RANBP17: variants seen among roughly 807,000 people sequenced by gnomAD.
The protein encoded by RANBP17 is ran-binding protein 17.
RANBP17 carries 158 observed loss-of-function variants against 141.2 expected under a neutral mutation model. That is an observed-to-expected ratio of 1.12 (90% CI 0.98 to 1.28). RANBP17 has a LOEUF of 1.28. Ranked by LOEUF, RANBP17 falls within the 50% of genes most tolerant of loss-of-function variation. The pLI is 0.00. For synonymous variants in RANBP17, 430 were observed against 450.0 expected (o/e 0.96, Z 0.56); for missense variants, 1,438 against 1,290.7 (o/e 1.11, Z -1.75).
chr5:170,904,175 C>T (rs1770889616), intron 5 of RANBP17: 2 of 320,058 alleles, frequency 6.2e-6, no homozygotes, highest in African/African-American at 2.2e-5. Flanking sequence ...ATCAAGAAGG[C>T]TAGACCAGCC....
Position 170,892,547 on chromosome 5 carries a change from TC to T in RANBP17, c.418del (p.Leu140SerfsTer9). 1 of 1,613,274 alleles carries T rather than the reference TC, an allele frequency of 6.2e-7. No homozygotes were observed. Among genetic ancestry groups the T allele is most frequent in the Non-Finnish European group, 8.5e-7 (1 of 1,179,592 alleles). ...AAATTATTGCTGATGTGAAGAAGTTTCTCCAGGTAAGAAGTCATTGCTACAT... is the reference window on the plus strand; with the variant it reads ...AAATTATTGCTGATGTGAAGAAGTTTTCCAGGTAAGAAGTCATTGCTACAT... The part of the protein sequence containing the change: ...REIIADVKKF[L>X]QGTVEHCIIG... On this transcript the variant is annotated frameshift_variant, in exon 4 of 28. Coordinates refer to ENST00000523189, the MANE Select transcript of RANBP17 (RefSeq NM_022897.5). LOFTEE classifies it high-confidence loss of function.
At chr5:170,993,911 A>G (rs1778659439) in intron 14 of RANBP17, among the ~76,000 whole-genome samples, 1 of 152,064 alleles carries the variant, frequency 6.6e-6, no homozygotes, top group Admixed American at 6.6e-5. Context: ...TTTTTTTTCC[A>G]AAATAAACTT....
chr5:170,913,946 A>G (rs770853738), intron 7 of RANBP17, among the ~76,000 whole-genome samples: 10 of 152,232 alleles, frequency 6.6e-5, no homozygotes, highest in Non-Finnish European at 1.0e-4. Flanking sequence ...CTGTAGTGCT[A>G]CATAGAGGAA....
chr5:171,051,329 G>A (rs1262446247), intron 14 of RANBP17, among the ~76,000 whole-genome samples: 1 of 152,000 alleles, frequency 6.6e-6, no homozygotes, highest in East Asian at 1.9e-4. Flanking sequence ...CCTCTCTCTA[G>A]TTTTAAAACT....
At chr5:170,893,950 CCTGT>C (rs1299373175) in intron 4 of RANBP17, among the ~76,000 whole-genome samples, 1 of 152,028 alleles carries the variant, frequency 6.6e-6, no homozygotes, top group Non-Finnish European at 1.5e-5. Flanking sequence ...AAATTCAACC[CCTGT>C]CTAAGATATA....
intron 14 of RANBP17, among the ~76,000 whole-genome samples, chr5:171,058,735 A>G (rs1158776085): frequency 1.3e-5 from 2 of 151,100 alleles, no homozygotes; most frequent in Non-Finnish European, 2.9e-5. Context: ...AGGAATCGCC[A>G]CACTGACTTG....
intron 9 of RANBP17, among the ~76,000 whole-genome samples, chr5:170,917,006 A>T (rs531945036): frequency 6.6e-6 from 1 of 152,242 alleles, no homozygotes; most frequent in African/African-American, 2.4e-5. Flanking sequence ...ATGAGCCACC[A>T]TGCTCAGCCC....
chr5:170,891,760 A>G (rs947698945), intron 3 of RANBP17, among the ~76,000 whole-genome samples: 3 of 152,176 alleles, frequency 2.0e-5, no homozygotes, highest in Admixed American at 2.0e-4. Flanking sequence ...CTGCACCTAT[A>G]ATCCAATCAC....
intron 20 of RANBP17, among the ~76,000 whole-genome samples, chr5:171,211,886 C>T (rs1344913668): frequency 6.6e-6 from 1 of 152,094 alleles, no homozygotes; most frequent in Non-Finnish European, 1.5e-5. Flanking sequence ...AAGTGAAATA[C>T]ACAATTAAAT....
At chr5:171,088,061 G>C (rs889207495) in intron 14 of RANBP17, among the ~76,000 whole-genome samples, 2 of 151,626 alleles carry the variant, frequency 1.3e-5, no homozygotes, top group African/African-American at 4.9e-5. Context: ...TCCTAGTCTC[G>C]ATGGTCTTGA....
At chr5:171,270,685 G>A (rs867207828) in intron 25 of RANBP17, among the ~76,000 whole-genome samples, 1 of 152,118 alleles carries the variant, frequency 6.6e-6, no homozygotes, top group Non-Finnish European at 1.5e-5. Context: ...ATTAGGTAAT[G>A]AAAGGGTGTG....
intron 22 of RANBP17, among the ~76,000 whole-genome samples, chr5:171,230,798 A>G (rs547668686): frequency 3.8e-4 from 58 of 152,246 alleles, no homozygotes; most frequent in African/African-American, 1.1e-3. Flanking sequence ...ATCCTTAAAG[A>G]TATACATTCT....
At position 171,295,901 on chromosome 5, in the gene RANBP17, G is replaced by A. The variant is rs778820791; in HGVS notation, c.3057G>A (p.Leu1019=). 3.1e-6 allele frequency: 5 copies of A among 1,613,338 alleles called. No homozygotes were observed. Among genetic ancestry groups the A allele is most frequent in the Non-Finnish European group, 4.2e-6 (5 of 1,179,534 alleles). The stretch of plus-strand genomic sequence containing the variant: ...TCTCCCATCAGTATTTCAGTGAACT[G>A]AGAGCAAGTTTGATAAACAGCCAGC... ...ILLNEKYFSE[L]RASLINSQPL... is the part of the protein sequence containing the mutation. The change falls in exon 27 of 28, where the codon CTG becomes CTA. Residue 1019 remains leucine (L), a synonymous_variant. Coordinates refer to ENST00000523189, the MANE Select transcript of RANBP17 (RefSeq NM_022897.5).
At chr5:170,889,788 C>T (rs1769449851) in intron 3 of RANBP17, among the ~76,000 whole-genome samples, 4 of 152,104 alleles carry the variant, frequency 2.6e-5, no homozygotes, top group Admixed American at 2.6e-4. Context: ...TCCCATGTAT[C>T]TTCCCAAACA....
intron 24 of RANBP17, chr5:171,252,108 G>T: frequency 6.3e-7 from 1 of 1,596,772 alleles, no homozygotes; most frequent in Non-Finnish European, 8.6e-7. Context: ...AAAAGTTGGA[G>T]TAATACCTCC....
intron 14 of RANBP17, among the ~76,000 whole-genome samples, chr5:171,114,633 C>T (rs542247178): frequency 1.3e-5 from 2 of 150,194 alleles, no homozygotes; most frequent in East Asian, 3.9e-4. Context: ...AATGAAAAGG[C>T]TGAATGTTTT....
At chr5:171,250,859 A>C (rs1765512437) in intron 24 of RANBP17, among the ~76,000 whole-genome samples, 1 of 152,224 alleles carries the variant, frequency 6.6e-6, no homozygotes, top group African/African-American at 2.4e-5. Context: ...AAATTTGAAG[A>C]GACACACTAC....
Position 170,883,916 on chromosome 5 carries a change from A to G in RANBP17, c.256+2020A>G, listed in dbSNP as rs377002759. ...ATGAATAAAGCTGCTATCAACATAC[A>G]TATGTGGGTTTTTGTGTGCCCAAAC... On this transcript the variant is annotated intron_variant, in intron 3 of 27. Transcript: ENST00000523189. Among the ~76,000 whole-genome samples the G allele has an allele frequency of 4.1e-4, 63 of 152,282 alleles. 1 individual carries two copies. The South Asian group carries it at 0.013, about 31-fold the overall frequency.
intron 19 of RANBP17, among the ~76,000 whole-genome samples, chr5:171,204,258 C>A (rs550479235): frequency 6.6e-6 from 1 of 152,172 alleles, no homozygotes; most frequent in Non-Finnish European, 1.5e-5. Context: ...CTGAATATTC[C>A]TATAAATAAC....
Sources: gnomAD v4.1 joint callset for allele counts (sites outside exome capture counted in the v4.1 genomes callset) on GRCh38, gnomAD v4.1.1 for gene constraint, MANE v1.5 for transcripts, NCBI Gene and HGNC (gene_info 2026-07-23, HGNC 2026-07-21) for gene names.